The following SMYD3 variants were observed in gnomAD, a reference collection of about 807,000 sequenced individuals.
The protein encoded by SMYD3 is SET and MYND domain containing 3.
A neutral mutation model predicts 57.7 loss-of-function variants in SMYD3; 36 were observed. That is an observed-to-expected ratio of 0.62 (90% confidence interval 0.48 to 0.82). SMYD3 has a LOEUF of 0.82. SMYD3 is among the 40% of genes least tolerant of loss of function. SMYD3 has a pLI of 0.00. For missense variants in SMYD3, 515 were observed against 538.8 expected (o/e 0.96, Z 0.44); for synonymous variants, 211 against 195.0 (o/e 1.08, Z -0.68).
At chr1:245,779,263 A>G (rs1434746498) in intron 10 of SMYD3, among the ~76,000 whole-genome samples, 1 of 152,228 alleles carries the variant, frequency 6.6e-6, no homozygotes, top group African/African-American at 2.4e-5. Flanking sequence ...GCTTGTATCC[A>G]AAATATATCA....
intron 1 of SMYD3, among the ~76,000 whole-genome samples, chr1:246,411,646 T>TA (rs1175605291): frequency 6.6e-6 from 1 of 151,886 alleles, no homozygotes; most frequent in African/African-American, 2.4e-5. Context: ...TATGCAGCCA[T>TA]AAAAAAGGAT....
At chr1:245,903,297 A>T (rs1212590540) in intron 8 of SMYD3, among the ~76,000 whole-genome samples, 3 of 152,232 alleles carry the variant, frequency 2.0e-5, no homozygotes, top group Non-Finnish European at 4.4e-5. Flanking sequence ...AAAGGTGAAA[A>T]TCTAACAAAA....
chr1:246,129,876 T>C (rs1306749996), intron 5 of SMYD3, among the ~76,000 whole-genome samples: 4 of 152,102 alleles, frequency 2.6e-5, no homozygotes. Flanking sequence ...ATAGAAACAA[T>C]CATGATCCCA....
chr1:246,352,136 C>CAAAAAAAAAAAAAAAA, intron 2 of SMYD3, among the ~76,000 whole-genome samples: 1 of 60,478 alleles, frequency 1.7e-5, no homozygotes. Flanking sequence ...GACTCTGTCT[C>CAAAAAAAAAAAAAAAA]AAAAAAAAAA....
intron 1 of SMYD3, among the ~76,000 whole-genome samples, chr1:246,409,591 G>T (rs1420404392): frequency 6.6e-6 from 1 of 151,264 alleles, no homozygotes; most frequent in Non-Finnish European, 1.5e-5. Context: ...TTGTAGTATA[G>T]TTTGAAGTCA....
At chr1:246,496,130 G>A (rs917304460) in intron 1 of SMYD3, among the ~76,000 whole-genome samples, 5 of 151,898 alleles carry the variant, frequency 3.3e-5, no homozygotes, top group Admixed American at 6.6e-5. Flanking sequence ...TCTGCCTCCC[G>A]GGTTCAAGCG....
At chr1:246,499,275 G>A (rs1199382187) in intron 1 of SMYD3, among the ~76,000 whole-genome samples, 1 of 151,796 alleles carries the variant, frequency 6.6e-6, no homozygotes. Flanking sequence ...CTGCACTCCA[G>A]CCTGGGCAAC....
At chr1:246,386,855 T>C (rs1268046420) in intron 1 of SMYD3, among the ~76,000 whole-genome samples, 1 of 151,754 alleles carries the variant, frequency 6.6e-6, no homozygotes, top group African/African-American at 2.4e-5. Flanking sequence ...AAGATTGTTA[T>C]ACAATCCTAT....
chr1:246,284,166 T>C (rs2064508173), intron 5 of SMYD3, among the ~76,000 whole-genome samples: 1 of 152,154 alleles, frequency 6.6e-6, no homozygotes, highest in Admixed American at 6.5e-5. Flanking sequence ...AGATGCTGCA[T>C]ATCAGCTACT....
chr1:246,088,406 G>A lies in SMYD3; in HGVS notation c.532-158469C>T, dbSNP rs376964298. Among the ~76,000 whole-genome samples the A allele has an allele frequency of 3.4e-4, 51 of 150,806 alleles. 3 individuals carry two copies. In the East Asian group the frequency reaches 9.0e-3, roughly 27 times the overall value. ...GGGCGGATCATGAGGTCAGGAGATC[G>A]AGACCATCCTGGCTAACACGGTGAA... is the stretch of plus-strand genomic sequence containing the variant. On this transcript the variant is annotated intron_variant, in intron 5 of 11. Transcript: ENST00000490107.
At chr1:246,009,181 T>C (rs1307412218) in intron 5 of SMYD3, among the ~76,000 whole-genome samples, 1 of 152,218 alleles carries the variant, frequency 6.6e-6, no homozygotes, top group African/African-American at 2.4e-5. Flanking sequence ...CAAAGTACTT[T>C]AATATAGCAT....
intron 7 of SMYD3, among the ~76,000 whole-genome samples, chr1:245,916,817 C>A (rs1473264994): frequency 6.6e-6 from 1 of 152,164 alleles, no homozygotes; most frequent in Non-Finnish European, 1.5e-5. Flanking sequence ...CTGTTTGAAA[C>A]ATCACAACAG....
At chr1:245,840,838 A>G (rs187992094) in intron 10 of SMYD3, among the ~76,000 whole-genome samples, 128 of 152,094 alleles carry the variant, frequency 8.4e-4, no homozygotes, top group African/African-American at 2.9e-3. Flanking sequence ...ACTGCTTTTT[A>G]TTTTAAAAAT....
Position 246,217,290 on chromosome 1 carries a change from G to A in SMYD3, c.531+109911C>T, listed in dbSNP as rs79205564. On this transcript the variant is annotated intron_variant, in intron 5 of 11. Coordinates refer to ENST00000490107, the MANE Select transcript of SMYD3 (RefSeq NM_001167740.2). ...AGGCCTCAAAGAATTTCTAAAGAGT[G>A]TGAACTTACAGCTTAAAAAACAAAA... 2.4e-4 allele frequency among the ~76,000 whole-genome samples: 36 copies of A among 152,242 alleles called. 1 individual carries two copies. Among genetic ancestry groups the A allele is most frequent in the African/African-American group, 8.2e-4 (34 of 41,506 alleles).
At chr1:246,270,855 T>C (rs1455008498) in intron 5 of SMYD3, among the ~76,000 whole-genome samples, 1 of 152,210 alleles carries the variant, frequency 6.6e-6, no homozygotes, top group Non-Finnish European at 1.5e-5. Flanking sequence ...TGCTGGATCA[T>C]ACAGTAATTC....
At chr1:246,413,484 T>C (rs2067009002) in intron 1 of SMYD3, among the ~76,000 whole-genome samples, 2 of 152,156 alleles carry the variant, frequency 1.3e-5, no homozygotes, top group South Asian at 4.2e-4. Context: ...TGAGGATGCA[T>C]GATATAGTTT....
intron 1 of SMYD3, among the ~76,000 whole-genome samples, chr1:246,433,138 T>G (rs1366203404): frequency 6.6e-6 from 1 of 152,134 alleles, no homozygotes; most frequent in Non-Finnish European, 1.5e-5. Context: ...GATACAAAAT[T>G]GGTATACAAA....
intron 5 of SMYD3, among the ~76,000 whole-genome samples, chr1:246,123,668 T>C (rs1431742910): frequency 2.6e-5 from 4 of 151,970 alleles, no homozygotes; most frequent in East Asian, 3.9e-4. Context: ...TTGGGTTCCA[T>C]CTTTTTATTT....
At chr1:246,263,445 G>T (rs562147993) in intron 5 of SMYD3, among the ~76,000 whole-genome samples, 44 of 152,218 alleles carry the variant, frequency 2.9e-4, no homozygotes, top group African/African-American at 1.1e-3. Context: ...TTTTCTGGTA[G>T]GCATGAGGTG....
Sources: allele counts gnomAD v4.1 joint callset (sites outside exome capture counted in the v4.1 genomes callset), GRCh38; gene constraint gnomAD v4.1.1; transcripts MANE v1.5; gene names NCBI Gene and HGNC (gene_info 2026-07-23, HGNC 2026-07-21).